Variants in ASB5 observed in about 807,000 individuals in gnomAD.
ASB5 encodes the protein ankyrin repeat and SOCS box containing 5.
ASB5 carries 45 observed loss-of-function variants against 42.1 expected under a neutral mutation model. The ratio of observed to expected loss-of-function variants is 1.07; its 90% CI spans 0.84 to 1.37. The LOEUF (loss-of-function observed/expected upper bound fraction) is 1.37. Ranked by LOEUF, ASB5 falls within the 40% of genes most tolerant of loss-of-function variation. The pLI is 0.00. For synonymous variants in ASB5, 147 were observed against 150.6 expected (o/e 0.98, Z 0.18); for missense variants, 402 against 399.8 (o/e 1.01, Z -0.05).
intron 1 of ASB5, among the ~76,000 whole-genome samples, chr4:176,252,294 A>G (rs1324936460): frequency 6.6e-6 from 1 of 152,184 alleles, no homozygotes; most frequent in African/African-American, 2.4e-5. Context: ...TTGAAAATTA[A>G]CTTCCAGAAT....
intron 1 of ASB5, among the ~76,000 whole-genome samples, chr4:176,226,786 C>G (rs563948219): frequency 2.7e-4 from 41 of 152,356 alleles, no homozygotes; most frequent in African/African-American, 9.1e-4. Flanking sequence ...GCTCCTTCTG[C>G]TATTTCCTGT....
chr4:176,255,965 G>A (rs1167886134), intron 1 of ASB5, among the ~76,000 whole-genome samples: 1 of 152,084 alleles, frequency 6.6e-6, no homozygotes, highest in Non-Finnish European at 1.5e-5. Context: ...GAGAACAAAA[G>A]GTCATTATTG....
chr4:176,260,717 T>G (rs1754250958), intron 1 of ASB5, among the ~76,000 whole-genome samples: 1 of 152,186 alleles, frequency 6.6e-6, no homozygotes. Context: ...CTAGCTCTGT[T>G]GCCAGGCTAG....
chr4:176,218,626 A>G (rs182415770), intron 5 of ASB5, among the ~76,000 whole-genome samples: 4,177 of 98,874 alleles, frequency 0.042, 2 homozygotes, highest in Middle Eastern at 0.071. Context: ...ATATAAATAT[A>G]TATTTGTATG....
At chr4:176,264,938 C>T (rs1199878590) in intron 1 of ASB5, among the ~76,000 whole-genome samples, 4 of 152,012 alleles carry the variant, frequency 2.6e-5, no homozygotes, top group Non-Finnish European at 4.4e-5. Flanking sequence ...GTCCGTACCA[C>T]TATTACCAAA....
At chr4:176,249,029 T>C (rs778948846) in intron 1 of ASB5, among the ~76,000 whole-genome samples, 1 of 152,234 alleles carries the variant, frequency 6.6e-6, no homozygotes, top group East Asian at 1.9e-4. Flanking sequence ...TACAGTGGTG[T>C]GATCTTGGCT....
Position 176,237,698 on chromosome 4 carries a change from T to G in ASB5, c.197-12357A>C, listed in dbSNP as rs1753719649. 1.9e-5 allele frequency: 10 copies of G among 518,516 alleles called. No individual in the cohort carries two copies. The Admixed American group carries it at 6.4e-4, about 33-fold the overall frequency. The allele number at this position is 518,516 out of a possible 1,614,324, so 32.1% of individuals were successfully genotyped here. On this transcript the variant is annotated intron_variant, in intron 1 of 6. Transcript: ENST00000296525. Reference sequence around the variant, plus strand: ...GCTGCAGCCGGAAGTCTTTAACTATTTGTGTGATATAGAAAGTAAAAAGTG... The same window carrying G: ...GCTGCAGCCGGAAGTCTTTAACTATGTGTGTGATATAGAAAGTAAAAAGTG...
chr4:176,239,890 A>C (rs1753774414), intron 1 of ASB5, among the ~76,000 whole-genome samples: 1 of 152,226 alleles, frequency 6.6e-6, no homozygotes, highest in Non-Finnish European at 1.5e-5. Flanking sequence ...GTAATTTTTA[A>C]AAATGACTCC....
At position 176,216,981 on chromosome 4, in the gene ASB5, C is replaced by T. The variant is rs758227064; in HGVS notation, c.699G>A (p.Trp233Ter). 1.9e-6 allele frequency: 3 copies of T among 1,609,162 alleles called. No homozygotes were observed. Among genetic ancestry groups the T allele is most frequent in the Non-Finnish European group, 2.5e-6 (3 of 1,178,456 alleles). ...AGADVQKGKY[W>*]DTPLHAAAQQ... Reference sequence around the variant, plus strand: ...GAGCAGCAGCATGTAATGGAGTATCCCAATATTTGCCTTTCTGTACGTCAG... The same window carrying T: ...GAGCAGCAGCATGTAATGGAGTATCTCAATATTTGCCTTTCTGTACGTCAG... Residue 233 changes from tryptophan to a stop codon, truncating the protein, a stop_gained, in exon 6 of 7, where the codon TGG (tryptophan) becomes TGA (stop). Transcript: ENST00000296525. LOFTEE classifies it high-confidence loss of function.
intron 5 of ASB5, among the ~76,000 whole-genome samples, chr4:176,218,312 A>C (rs1458112667): frequency 1.1e-5 from 1 of 92,802 alleles, no homozygotes; most frequent in Non-Finnish European, 2.0e-5. Context: ...ATAAATATAT[A>C]TATTTGTATG....
intron 1 of ASB5, among the ~76,000 whole-genome samples, chr4:176,246,271 G>A (rs1254076046): frequency 1.2e-4 from 18 of 152,038 alleles, no homozygotes; most frequent in Non-Finnish European, 1.0e-4. Flanking sequence ...AGATAATAGG[G>A]AAAAAGGAAG....
At chr4:176,250,050 GT>G (rs1271637700) in intron 1 of ASB5, among the ~76,000 whole-genome samples, 6 of 142,904 alleles carry the variant, frequency 4.2e-5, no homozygotes, top group Admixed American at 2.9e-4. Flanking sequence ...GGGTGACAGA[GT>G]GAGACTCCAT....
intron 1 of ASB5, among the ~76,000 whole-genome samples, chr4:176,242,173 C>G (rs997655783): frequency 1.3e-5 from 2 of 152,126 alleles, no homozygotes; most frequent in Non-Finnish European, 2.9e-5. Flanking sequence ...TTCTTCCAAT[C>G]TCACTTGGAA....
rs1753218510 is a variant in ASB5, at chr4:176,221,737, CT to C, written c.385-138del. On this transcript the variant is annotated intron_variant, in intron 3 of 6. Coordinates refer to ENST00000296525, the MANE Select transcript of ASB5 (RefSeq NM_080874.4). Reference sequence around the variant, plus strand: ...TGCACATTAAATATGACAAAGTATACTTTGCTCTTATGCATTAACAAGAAAA... The same window carrying C: ...TGCACATTAAATATGACAAAGTATACTTGCTCTTATGCATTAACAAGAAAA... 3 of 831,454 alleles carry C rather than the reference CT, an allele frequency of 3.6e-6. No individual in the cohort carries two copies. The African/African-American group carries it at 5.2e-5, about 14-fold the overall frequency. 51.5% of individuals were successfully genotyped at this position (831,454 alleles called of 1,614,324 possible).
In ASB5 at chr4:176,225,313, A is replaced by G. The variant is rs2126948996; in HGVS notation, c.225T>C (p.His75=). Residue 75 remains histidine (H), a synonymous_variant, in exon 2 of 7, where the codon CAT becomes CAC. Transcript: ENST00000296525. ...GAAGGCGACCTTGACTTGCTGCTTC[A>G]TGTAGTGGTGATCGATCTGCCCAGG... ...QGSWADRSPL[H]EAASQGRLLA... is the part of the protein sequence containing the mutation. The G allele has an allele frequency of 6.2e-7, 1 of 1,614,120 alleles. No individual in the cohort carries two copies. The highest frequency in any genetic ancestry group is 2.2e-5 in the East Asian group (1 of 44,872).
chr4:176,241,419 C>A, intron 1 of ASB5: 3 of 1,471,872 alleles, frequency 2.0e-6, no homozygotes, highest in Non-Finnish European at 1.8e-6. Context: ...AAAAATAAAA[C>A]CTCCTTAAAT....
chr4:176,272,999 G>A (rs138768051), upstream of ASB5, among the ~76,000 whole-genome samples: 2 of 144,792 alleles, frequency 1.4e-5, no homozygotes, highest in African/African-American at 5.2e-5. Context: ...CCAGGCTGGA[G>A]AGTGCAGTGT....
At chr4:176,240,776 T>A (rs1476418517) in intron 1 of ASB5, among the ~76,000 whole-genome samples, 2 of 152,216 alleles carry the variant, frequency 1.3e-5, no homozygotes, top group African/African-American at 4.8e-5. Flanking sequence ...CAAGAAGTGG[T>A]ATTTAGATAA....
rs1343217515 is a variant in ASB5, at chr4:176,238,935, T to A, written c.197-13594A>T. 2.0e-5 allele frequency among the ~76,000 whole-genome samples: 3 copies of A among 152,228 alleles called. No homozygotes were observed. In the East Asian group the frequency reaches 5.8e-4, roughly 29 times the overall value. On this transcript the variant is annotated intron_variant, in intron 1 of 6. Transcript: ENST00000296525. The stretch of plus-strand genomic sequence containing the variant: ...GTGTGACCTGGAGCGAGTAGCTTAA[T>A]GACACCATAGTTTCCTTCTCTATAA...
Sources: gnomAD v4.1 joint callset for allele counts (sites outside exome capture counted in the v4.1 genomes callset) on GRCh38, gnomAD v4.1.1 for gene constraint, MANE v1.5 for transcripts, NCBI Gene and HGNC (gene_info 2026-07-23, HGNC 2026-07-21) for gene names.